Variants in PDE4D observed in about 807,000 individuals in gnomAD.
PDE4D encodes phosphodiesterase 4D, also known as 3',5'-cyclic-AMP phosphodiesterase 4D.
A neutral mutation model predicts 87.4 loss-of-function variants in PDE4D; 24 were observed. The ratio of observed to expected loss-of-function variants is 0.27; its 90% CI spans 0.20 to 0.39. The LOEUF (loss-of-function observed/expected upper bound fraction) is 0.39. Ranked by LOEUF, PDE4D falls within the 10% of genes least tolerant of loss-of-function variation. The pLI is 1.00. For missense variants in PDE4D, 714 were observed against 1,041.0 expected (o/e 0.69, Z 4.32); for synonymous variants, 384 against 383.2 (o/e 1.00, Z -0.02).
chr5:59,236,662 C>T (rs771040103), intron 1 of PDE4D, among the ~76,000 whole-genome samples: 15 of 152,102 alleles, frequency 9.9e-5, no homozygotes, highest in Non-Finnish European at 1.5e-4. Context: ...AAGCTGTCGT[C>T]ACCAGGCTAT....
chr5:60,097,078 G>T (rs960595778), intron 2 of PDE4D, among the ~76,000 whole-genome samples: 3 of 151,976 alleles, frequency 2.0e-5, no homozygotes, highest in African/African-American at 7.2e-5. Context: ...TAAATGGGAG[G>T]TAATGTGCTA....
chr5:60,064,889 G>T (rs1771879781), intron 2 of PDE4D, among the ~76,000 whole-genome samples: 1 of 152,062 alleles, frequency 6.6e-6, no homozygotes, highest in Non-Finnish European at 1.5e-5. Flanking sequence ...AAGGGCATTT[G>T]GTGAGAACTG....
chr5:59,973,136 CTG>C (rs965700029), intron 3 of PDE4D, among the ~76,000 whole-genome samples: 5 of 152,246 alleles, frequency 3.3e-5, no homozygotes, highest in Middle Eastern at 3.4e-3. Context: ...GTACCTCAAA[CTG>C]TGTCTGTCAT....
At chr5:60,205,061 T>A (rs961020248) in intron 1 of PDE4D, among the ~76,000 whole-genome samples, 1 of 152,208 alleles carries the variant, frequency 6.6e-6, no homozygotes, top group South Asian at 2.1e-4. Flanking sequence ...CTGGTCCTTA[T>A]CATACTCCCC....
intron 3 of PDE4D, among the ~76,000 whole-genome samples, chr5:59,914,940 G>T (rs1355996550): frequency 2.7e-5 from 4 of 149,288 alleles, no homozygotes; most frequent in African/African-American, 9.8e-5. Context: ...GAAAGGAAAA[G>T]AAATTGAAGA....
rs1425299980 is a variant in PDE4D at position 59,028,529 on chromosome 5, C to A, written c.921+10330G>T. Among the ~76,000 whole-genome samples the A allele has an allele frequency of 6.6e-5, 10 of 150,654 alleles. No individual in the cohort carries two copies. The Admixed American group carries it at 6.7e-4, about 10-fold the overall frequency. The stretch of plus-strand genomic sequence containing the variant: ...CCCATCTTTTAATTCATTAAATCAC[C>A]ACAGCAACTATTTAACAGATGAGAA... On this transcript the variant is annotated intron_variant, in intron 6 of 14. Transcript: ENST00000340635.
chr5:58,980,945 C>G (rs1471326573), intron 11 of PDE4D, among the ~76,000 whole-genome samples: 2 of 152,020 alleles, frequency 1.3e-5, no homozygotes, highest in African/African-American at 4.8e-5. Flanking sequence ...AACCAGGAAC[C>G]CTGATGTTAG....
At chr5:60,472,861 C>T (rs1747916355) in intron 1 of PDE4D, among the ~76,000 whole-genome samples, 1 of 152,050 alleles carries the variant, frequency 6.6e-6, no homozygotes, top group African/African-American at 2.4e-5. Context: ...ACATGATTTA[C>T]ATTAGGTGAT....
In PDE4D at chr5:59,404,664, T is replaced by TAA. The variant is rs141310449; in HGVS notation, c.456-188698_456-188697dup. On this transcript the variant is annotated intron_variant, in intron 1 of 14. Coordinates refer to ENST00000340635, the MANE Select transcript of PDE4D (RefSeq NM_001104631.2). ...CTGGGCAACAGAGTGAGACTCTGTC[T>TAA]AAAAAAAAAAAAAAAAATCTTTGCT... Among the ~76,000 whole-genome samples the TAA allele has an allele frequency of 2.9e-5, 4 of 137,096 alleles. 1 individual carries two copies. The highest frequency in any genetic ancestry group is 1.5e-4 in the Admixed American group (2 of 13,310). 89.9% of individuals were successfully genotyped at this position (137,096 alleles called of 152,430 possible).
intron 1 of PDE4D, among the ~76,000 whole-genome samples, chr5:59,505,465 C>A (rs4551023): frequency 6.6e-6 from 1 of 152,024 alleles, no homozygotes; most frequent in Non-Finnish European, 1.5e-5. Flanking sequence ...GAAATTCACA[C>A]GGACAGGGGA....
intron 5 of PDE4D, among the ~76,000 whole-genome samples, chr5:59,051,312 A>G (rs1358565013): frequency 1.3e-5 from 2 of 152,182 alleles, no homozygotes; most frequent in Non-Finnish European, 2.9e-5. Flanking sequence ...GGTGGAGGAG[A>G]TGGTGCCACT....
intron 5 of PDE4D, among the ~76,000 whole-genome samples, chr5:59,110,555 G>A (rs191000479): frequency 4.6e-4 from 70 of 152,268 alleles, no homozygotes; most frequent in Non-Finnish European, 6.3e-4. Context: ...AGGTGCTATC[G>A]GTATTCCTAT....
intron 5 of PDE4D, among the ~76,000 whole-genome samples, chr5:59,161,022 G>A (rs1354644765): frequency 6.6e-6 from 1 of 152,190 alleles, no homozygotes; most frequent in African/African-American, 2.4e-5. Flanking sequence ...CTTGAATCCA[G>A]GAGGTGGAGG....
chr5:60,062,389 G>A (rs1340573080), intron 2 of PDE4D, among the ~76,000 whole-genome samples: 10 of 152,000 alleles, frequency 6.6e-5, no homozygotes, highest in African/African-American at 1.7e-4. Context: ...TCAGAATGGC[G>A]CTTATTAAAA....
chr5:59,489,390 A>C (rs1344680625), intron 1 of PDE4D, among the ~76,000 whole-genome samples: 1 of 152,232 alleles, frequency 6.6e-6, no homozygotes, highest in Non-Finnish European at 1.5e-5. Context: ...AGCATCTAGA[A>C]GACAGTAATT....
chr5:59,658,128 A>G (rs1404733024), intron 1 of PDE4D, among the ~76,000 whole-genome samples: 1 of 152,256 alleles, frequency 6.6e-6, no homozygotes, highest in Non-Finnish European at 1.5e-5. Flanking sequence ...TTACAAATAT[A>G]CCATTTACTG....
intron 1 of PDE4D, among the ~76,000 whole-genome samples, chr5:59,761,369 TTTTA>T (rs1420908890): frequency 6.6e-6 from 1 of 152,162 alleles, no homozygotes; most frequent in Admixed American, 6.5e-5. Flanking sequence ...TTATAAATAT[TTTTA>T]TTTCTTTGAT....
chr5:59,443,573 A>G (rs1397816010), intron 1 of PDE4D, among the ~76,000 whole-genome samples: 1 of 152,202 alleles, frequency 6.6e-6, no homozygotes, highest in Non-Finnish European at 1.5e-5. Context: ...TGAACTAACA[A>G]TATCATTGCT....
chr5:59,751,173 C>T (rs1412880740), intron 1 of PDE4D, among the ~76,000 whole-genome samples: 3 of 152,120 alleles, frequency 2.0e-5, no homozygotes, highest in Admixed American at 6.6e-5. Flanking sequence ...TGTCCAGCCC[C>T]TCAGAACTGC....
Sources: gnomAD v4.1 joint callset for allele counts (sites outside exome capture counted in the v4.1 genomes callset) on GRCh38, gnomAD v4.1.1 for gene constraint, MANE v1.5 for transcripts, NCBI Gene and HGNC (gene_info 2026-07-23, HGNC 2026-07-21) for gene names.